Variants in UNC79 observed in about 807,000 individuals in gnomAD.
UNC79 encodes protein unc-79 homolog.
UNC79 carries 37 observed loss-of-function variants against 283.1 expected under a neutral mutation model. That is an observed-to-expected ratio of 0.13 (90% CI 0.10 to 0.17). The LOEUF is 0.17. UNC79 is among the 10% of genes least tolerant of loss of function. The pLI, the probability that UNC79 is intolerant of heterozygous loss-of-function variation, is 1.00. For missense variants in UNC79, 2,272 were observed against 3,211.1 expected (o/e 0.71, Z 7.07); for synonymous variants, 1,107 against 1,200.2 (o/e 0.92, Z 1.61).
At chr14:93,473,333 A>C (rs2057623083) in intron 2 of UNC79, among the ~76,000 whole-genome samples, 2 of 152,186 alleles carry the variant, frequency 1.3e-5, no homozygotes, top group Admixed American at 6.6e-5. Context: ...GCAAAATTTA[A>C]AAAACACACA....
chr14:93,660,313 C>T (rs2071400687), intron 39 of UNC79, among the ~76,000 whole-genome samples: 1 of 151,814 alleles, frequency 6.6e-6, no homozygotes, highest in Non-Finnish European at 1.5e-5. Flanking sequence ...GCCAAGATCA[C>T]ATAGCTGGTT....
intron 1 of UNC79, among the ~76,000 whole-genome samples, chr14:93,410,796 C>G (rs1184165900): frequency 2.0e-5 from 3 of 152,142 alleles, no homozygotes; most frequent in South Asian, 4.1e-4. Context: ...CCTTGAATAA[C>G]CAACAGTGAT....
intron 22 of UNC79, among the ~76,000 whole-genome samples, chr14:93,591,754 C>T (rs910945457): frequency 6.6e-6 from 1 of 152,204 alleles, no homozygotes; most frequent in Non-Finnish European, 1.5e-5. Context: ...TCGTATGGGA[C>T]CCATGGTGCT....
At chr14:93,440,658 C>G (rs1399689248) in intron 1 of UNC79, among the ~76,000 whole-genome samples, 1 of 151,506 alleles carries the variant, frequency 6.6e-6, no homozygotes, top group Non-Finnish European at 1.5e-5. Context: ...TCAAGAAATT[C>G]TGCAATTGAA....
intron 5 of UNC79, among the ~76,000 whole-genome samples, chr14:93,492,225 G>A (rs2058762343): frequency 6.6e-6 from 1 of 152,182 alleles, no homozygotes; most frequent in South Asian, 2.1e-4. Context: ...ATGTAATGTA[G>A]TACATAGGAG....
At chr14:93,691,841 T>C in exon 46 of UNC79, 1 of 1,614,076 alleles carries the variant, frequency 6.2e-7, no homozygotes, top group Non-Finnish European at 8.5e-7. Context: ...TCGCTACAAA[T>C]CTCCAAAATC....
intron 1 of UNC79, among the ~76,000 whole-genome samples, chr14:93,388,081 A>C (rs547060093): frequency 6.6e-6 from 1 of 151,782 alleles, no homozygotes; most frequent in East Asian, 1.9e-4. Flanking sequence ...CATGCACTGC[A>C]CATGGCCAGC....
At chr14:93,426,516 T>A (rs1433252851), upstream of UNC79, among the ~76,000 whole-genome samples, 1 of 151,592 alleles carries the variant, frequency 6.6e-6, no homozygotes, top group African/African-American at 2.4e-5. Flanking sequence ...CTTTTGTTAT[T>A]GTCTCACAGG....
At chr14:93,599,821 G>T (rs1238130799) in intron 24 of UNC79, among the ~76,000 whole-genome samples, 1 of 152,172 alleles carries the variant, frequency 6.6e-6, no homozygotes, top group Non-Finnish European at 1.5e-5. Flanking sequence ...ATGAAATTTT[G>T]GATTGAAAGT....
At chr14:93,538,294 G>A (rs1182677763) in intron 12 of UNC79, 76 bp downstream of exon 12, 2 of 1,404,230 alleles carry the variant, frequency 1.4e-6, no homozygotes, top group East Asian at 5.1e-5. Context: ...ACTGAGATGT[G>A]CATATTTAAT....
chr14:93,546,185 T>C (rs1371823791), intron 14 of UNC79, among the ~76,000 whole-genome samples: 1 of 152,232 alleles, frequency 6.6e-6, no homozygotes, highest in Non-Finnish European at 1.5e-5. Context: ...CAACCATTTA[T>C]GTCTACACCT....
At chr14:93,492,885 A>G (rs1214865115) in intron 5 of UNC79, among the ~76,000 whole-genome samples, 1 of 152,202 alleles carries the variant, frequency 6.6e-6, no homozygotes, top group Non-Finnish European at 1.5e-5. Context: ...CAACCATTCA[A>G]TCAGTAGTCA....
chr14:93,406,276 G>C (rs1164689761), intron 1 of UNC79, among the ~76,000 whole-genome samples: 1 of 152,138 alleles, frequency 6.6e-6, no homozygotes, highest in Non-Finnish European at 1.5e-5. Flanking sequence ...TGGGATGTGA[G>C]GATTCTTTAG....
At chr14:93,560,948 G>A (rs2062509971) in intron 14 of UNC79, among the ~76,000 whole-genome samples, 1 of 152,168 alleles carries the variant, frequency 6.6e-6, no homozygotes, top group African/African-American at 2.4e-5. Flanking sequence ...GTGCCCACGA[G>A]CAACCTTTCA....
At chr14:93,564,748 T>C (rs1202117387) in intron 14 of UNC79, among the ~76,000 whole-genome samples, 1 of 146,716 alleles carries the variant, frequency 6.8e-6, no homozygotes, top group Admixed American at 7.0e-5. Flanking sequence ...CAAAGGAGGT[T>C]GTTCTCTGGC....
chr14:93,706,763 C>T (rs2075909798), exon 49 of UNC79: 15 of 1,614,150 alleles, frequency 9.3e-6, no homozygotes, highest in Non-Finnish European at 1.2e-5. Flanking sequence ...TGAACCACCA[C>T]AGCCTAAGGA....
intron 5 of UNC79, 27 bp from the exon 6 acceptor site, chr14:93,496,384 G>A (rs7143390): frequency 4.1e-6 from 6 of 1,452,184 alleles, no homozygotes; most frequent in Non-Finnish European, 5.6e-6. Context: ...TACATTTCAT[G>A]TATGAATTAC....
At chr14:93,346,527 C>T (rs1222833621) in intron 1 of UNC79, among the ~76,000 whole-genome samples, 2 of 152,188 alleles carry the variant, frequency 1.3e-5, no homozygotes, top group Non-Finnish European at 2.9e-5. Flanking sequence ...AATTACATCA[C>T]TGTTTCTACT....
At chr14:93,601,112 A>G (rs1482224411) in intron 25 of UNC79, among the ~76,000 whole-genome samples, 1 of 152,100 alleles carries the variant, frequency 6.6e-6, no homozygotes, top group Non-Finnish European at 1.5e-5. Flanking sequence ...ATACTTTCTA[A>G]ATTTCAATAG....
Sources: gnomAD v4.1 joint callset for allele counts (sites outside exome capture counted in the v4.1 genomes callset) on GRCh38, gnomAD v4.1.1 for gene constraint, MANE v1.5 for transcripts, NCBI Gene and HGNC (gene_info 2026-07-23, HGNC 2026-07-21) for gene names.